Variants in PRKACB observed in about 807,000 individuals in gnomAD.
PRKACB encodes the protein cAMP-dependent protein kinase catalytic subunit beta.
Under a neutral mutation model 51.4 loss-of-function variants are expected in PRKACB, and 16 were observed. The ratio of observed to expected loss-of-function variants is 0.31; its 90% CI spans 0.21 to 0.47. The LOEUF (loss-of-function observed/expected upper bound fraction) is 0.47. Ranked by LOEUF, PRKACB falls within the 20% of genes least tolerant of loss-of-function variation. The probability of loss-of-function intolerance (pLI) is 1.00; values close to 1 mark genes in which losing one functional copy is unlikely to be tolerated. For synonymous variants in PRKACB, 147 were observed against 154.4 expected (o/e 0.95, Z 0.35); for missense variants, 309 against 464.5 (o/e 0.67, Z 3.08).
chr1:84,102,669 A>G (rs982463882), intron 1 of PRKACB, among the ~76,000 whole-genome samples: 13 of 152,174 alleles, frequency 8.5e-5, no homozygotes, highest in Admixed American at 6.5e-5. Flanking sequence ...AATAAGGAAA[A>G]AAGTGTACGG....
intron 1 of PRKACB, among the ~76,000 whole-genome samples, chr1:84,083,295 T>G (rs933968012): frequency 6.6e-6 from 1 of 152,238 alleles, no homozygotes; most frequent in Non-Finnish European, 1.5e-5. Context: ...ATTTTGATGA[T>G]AAATACATAT....
intron 8 of PRKACB, among the ~76,000 whole-genome samples, chr1:84,206,588 G>T (rs562868364): frequency 1.3e-5 from 2 of 152,190 alleles, no homozygotes; most frequent in African/African-American, 4.8e-5. Context: ...TGTGACAAGC[G>T]TGAAATTTTA....
At chr1:84,091,671 A>G (rs112536782) in intron 1 of PRKACB, among the ~76,000 whole-genome samples, 2 of 151,586 alleles carry the variant, frequency 1.3e-5, no homozygotes, top group African/African-American at 4.9e-5. Context: ...TGCCTGGCTA[A>G]TTTTCGTATT....
chr1:84,115,664 C>T (rs1244187046), intron 1 of PRKACB, among the ~76,000 whole-genome samples: 2 of 151,838 alleles, frequency 1.3e-5, no homozygotes, highest in African/African-American at 2.4e-5. Flanking sequence ...GGGCAGATCA[C>T]CTGAGGTTGG....
chr1:84,148,148 C>T (rs1654368748), intron 1 of PRKACB, among the ~76,000 whole-genome samples: 3 of 152,262 alleles, frequency 2.0e-5, no homozygotes, highest in South Asian at 4.1e-4. Flanking sequence ...TACAACAGTG[C>T]TTGTTCAAGT....
intron 9 of PRKACB, among the ~76,000 whole-genome samples, chr1:84,229,299 T>C (rs1477439438): frequency 4.1e-3 from 137 of 33,474 alleles, no homozygotes; most frequent in East Asian, 5.6e-3. Context: ...CCATGGTGTA[T>C]ATGTGCCACA....
intron 1 of PRKACB, among the ~76,000 whole-genome samples, chr1:84,093,698 T>C (rs1272302880): frequency 2.6e-5 from 4 of 152,054 alleles, no homozygotes; most frequent in African/African-American, 9.7e-5. Context: ...AGAATTTTCA[T>C]CTTTATGATA....
At chr1:84,234,727 A>T (rs554957736) in intron 9 of PRKACB, among the ~76,000 whole-genome samples, 69 of 152,026 alleles carry the variant, frequency 4.5e-4, no homozygotes, top group African/African-American at 1.6e-3. Context: ...GAACTCCCTG[A>T]CCCCTTGCGC....
chr1:84,138,663 A>G (rs973415789), intron 1 of PRKACB, among the ~76,000 whole-genome samples: 17 of 152,222 alleles, frequency 1.1e-4, no homozygotes, highest in African/African-American at 4.1e-4. Flanking sequence ...AAGACAGAAT[A>G]CTTCTCAACT....
In PRKACB at chr1:84,228,938, T is replaced by A. The variant is rs201967355; in HGVS notation, c.1072-6242T>A. Among the ~76,000 whole-genome samples the A allele has an allele frequency of 1.0e-3, 157 of 152,142 alleles. 2 individuals carry two copies. In the East Asian group the frequency reaches 0.015, roughly 15 times the overall value. ...ATTATCCCAGAAATTTCTTTTTTTT[T>A]TTATTATTATACTTTACGTTTTAGG... is the stretch of plus-strand genomic sequence containing the variant. On this transcript the variant is annotated intron_variant, in intron 9 of 9. Coordinates refer to ENST00000370685, the MANE Select transcript of PRKACB (RefSeq NM_182948.4).
At chr1:84,135,490 G>A (rs1652710960) in intron 1 of PRKACB, among the ~76,000 whole-genome samples, 1 of 151,976 alleles carries the variant, frequency 6.6e-6, no homozygotes, top group African/African-American at 2.4e-5. Flanking sequence ...TTTTTCTTCA[G>A]CTTATAGGAG....
chr1:84,165,071 G>A (rs1046427830), intron 1 of PRKACB: 1 of 1,322,068 alleles, frequency 7.6e-7, no homozygotes, highest in Non-Finnish European at 1.0e-6. Context: ...TTTATAAGAG[G>A]AAAAAATATT....
rs1438578505 is a variant in PRKACB, at chr1:84,199,942, T to C, written c.783+2118T>C. 2.0e-5 allele frequency among the ~76,000 whole-genome samples: 3 copies of C among 151,938 alleles called. 1 individual carries two copies. The highest frequency in any genetic ancestry group is 7.3e-5 in the African/African-American group (3 of 41,370). ...TTCACTACAACCTCTGCCTCCTGAG[T>C]TCAAGCGATTCTCGTGCTTCAGGCT... On this transcript the variant is annotated intron_variant, in intron 7 of 9. Transcript: ENST00000370685.
rs899283833 is a variant in PRKACB at position 84,187,569 on chromosome 1, G to C, written c.560+2387G>C. ...AGACTTGTTTCTTAAAATTTATATAGTTTCAGCTAACAGGACTTCAGGAAC... is the reference window on the plus strand; with the variant it reads ...AGACTTGTTTCTTAAAATTTATATACTTTCAGCTAACAGGACTTCAGGAAC... On this transcript the variant is annotated intron_variant, in intron 5 of 9. Coordinates refer to ENST00000370685, the MANE Select transcript of PRKACB (RefSeq NM_182948.4). Among the ~76,000 whole-genome samples, 3 of 152,050 alleles carry C rather than the reference G, an allele frequency of 2.0e-5. No homozygotes were observed. The South Asian group carries it at 6.2e-4, about 32-fold the overall frequency.
chr1:84,078,409 GC>G, intron 1 of PRKACB: 1 of 1,602,200 alleles, frequency 6.2e-7, no homozygotes, highest in Non-Finnish European at 8.5e-7. Flanking sequence ...CGCTGGGCGG[GC>G]CGGCGCGGGG....
At chr1:84,146,775 C>G (rs1654152397) in intron 1 of PRKACB, among the ~76,000 whole-genome samples, 1 of 151,980 alleles carries the variant, frequency 6.6e-6, no homozygotes, top group Admixed American at 6.6e-5. Context: ...ATGCTTCAAT[C>G]CAAGTTTCTT....
At chr1:84,231,039 CCATT>C (rs1400142150) in intron 9 of PRKACB, among the ~76,000 whole-genome samples, 1 of 143,750 alleles carries the variant, frequency 7.0e-6, no homozygotes, top group Non-Finnish European at 1.5e-5. Context: ...CAGTTTTTGC[CCATT>C]CAGTATGATA....
At chr1:84,124,199 G>A (rs180988453) in intron 1 of PRKACB, among the ~76,000 whole-genome samples, 216 of 152,272 alleles carry the variant, frequency 1.4e-3, no homozygotes, top group African/African-American at 5.0e-3. Context: ...GTATAAACAT[G>A]CAATTACTAC....
chr1:84,152,145 G>A (rs1203497918), intron 1 of PRKACB, among the ~76,000 whole-genome samples: 2 of 152,168 alleles, frequency 1.3e-5, no homozygotes. Flanking sequence ...GGGTGATCAG[G>A]TGCATTGTCA....
Sources: allele counts gnomAD v4.1 joint callset (sites outside exome capture counted in the v4.1 genomes callset), GRCh38; gene constraint gnomAD v4.1.1; transcripts MANE v1.5; gene names NCBI Gene and HGNC (gene_info 2026-07-23, HGNC 2026-07-21).